The following SH3TC1 variants were observed in gnomAD, a reference collection of about 807,000 sequenced individuals.
SH3TC1 encodes SH3 domain and tetratricopeptide repeat-containing protein 1.
In SH3TC1, 135 loss-of-function variants were observed where a neutral mutation model predicts 117.3. That is an observed-to-expected ratio of 1.15 (90% CI 1.00 to 1.33). The LOEUF (loss-of-function observed/expected upper bound fraction) is 1.33, where lower values mean the gene tolerates loss of function less well. Among genes scored for constraint, SH3TC1 ranks in the 40% most tolerant of loss-of-function variants. The pLI, the probability that SH3TC1 is intolerant of heterozygous loss-of-function variation, is 0.00. For missense variants in SH3TC1, 2,092 were observed against 1,794.3 expected (o/e 1.17, Z -3.00); for synonymous variants, 898 against 816.9 (o/e 1.10, Z -1.69).
upstream of SH3TC1, among the ~76,000 whole-genome samples, chr4:8,197,657 C>T (rs116540360): frequency 7.9e-3 from 1,201 of 152,320 alleles, 9 homozygotes; most frequent in African/African-American, 0.028. Flanking sequence ...GGCCGGGGAG[C>T]CTGGAGGCTG....
rs559112258 is a variant in SH3TC1 at position 8,186,195 on chromosome 4, C to A, written c.-57+3985C>A. Among the ~76,000 whole-genome samples the A allele has an allele frequency of 6.6e-6, 1 of 152,138 alleles. No individual in the cohort carries two copies. Among genetic ancestry groups the A allele is most frequent in the African/African-American group, 2.4e-5 (1 of 41,414 alleles). On this transcript the variant is annotated intron_variant, in intron 1 of 16. Transcript: ENST00000508641. The surrounding 1 kb of genome is among the most constrained non-coding windows in gnomAD (Gnocchi z 5.2). ...GGAGGGGCTGGGGCCAGCCTGACTC[C>A]GAACCAAGACCAGCAGCAAAATTTG...
intron 12 of SH3TC1, 140 bp downstream of exon 12, chr4:8,228,784 CG>C: frequency 4.1e-6 from 3 of 736,008 alleles, no homozygotes; most frequent in South Asian, 2.2e-5. Context: ...TGTTGGCAAG[CG>C]CCCTGGAGAC....
At chr4:8,185,554 C>T (rs1489689201) in intron 1 of SH3TC1, among the ~76,000 whole-genome samples, 1 of 152,104 alleles carries the variant, frequency 6.6e-6, no homozygotes, top group Non-Finnish European at 1.5e-5. Context: ...GCGAACGCAT[C>T]CTAACCCCAC....
At chr4:8,226,047 T>C (rs1401779657) in intron 11 of SH3TC1, among the ~76,000 whole-genome samples, 1 of 152,158 alleles carries the variant, frequency 6.6e-6, no homozygotes, top group African/African-American at 2.4e-5. Context: ...CTCTAAATCA[T>C]ATGTAATTTT....
intron 1 of SH3TC1, among the ~76,000 whole-genome samples, chr4:8,185,050 C>A (rs1426803769): frequency 1.3e-5 from 2 of 148,512 alleles, no homozygotes; most frequent in Non-Finnish European, 3.0e-5. Context: ...ATATGATTTG[C>A]GTACATAGGG....
chr4:8,240,229 C>T (rs1722210138), intron 17 of SH3TC1, among the ~76,000 whole-genome samples: 1 of 152,210 alleles, frequency 6.6e-6, no homozygotes, highest in Non-Finnish European at 1.5e-5. Context: ...GTCAATATTT[C>T]AGGGAAGATT....
intron 5 of SH3TC1, chr4:8,215,348 G>C: frequency 2.3e-6 from 1 of 429,592 alleles, no homozygotes; most frequent in South Asian, 1.6e-5. Flanking sequence ...AGGGCTAAGT[G>C]AGTTAGGGAG....
At chr4:8,231,618 G>T (rs116201926) in intron 12 of SH3TC1, 6 of 256,256 alleles carry the variant, frequency 2.3e-5, no homozygotes, top group Non-Finnish European at 4.5e-5. Context: ...ATTTGGTTTT[G>T]CTCCCCCAGG....
In SH3TC1 at chr4:8,233,353, C is replaced by T; in HGVS notation, c.3132-10C>T. 6.3e-7 allele frequency: 1 copy of T among 1,599,696 alleles called. No homozygotes were observed. The highest frequency in any genetic ancestry group is 8.5e-7 in the Non-Finnish European group (1 of 1,172,392). ...ACAGCCCTTGTTCTGACACCTGTGT[C>T]TGATACCAGGGCCTACAAATCCGCA... On this transcript the variant is annotated splice_polypyrimidine_tract_variant and intron_variant, in intron 13 of 17. Coordinates refer to ENST00000245105, the MANE Select transcript of SH3TC1 (RefSeq NM_018986.5).
intron 13 of SH3TC1, 31 bp downstream of exon 13, chr4:8,232,187 G>T (rs1332293645): frequency 1.3e-5 from 5 of 396,354 alleles, no homozygotes; most frequent in Non-Finnish European, 1.9e-5. Flanking sequence ...GGTGGGGGCG[G>T]GGGGAGGGGG....
chr4:8,216,460 G>C (rs756648291), intron 6 of SH3TC1, among the ~76,000 whole-genome samples: 3 of 152,198 alleles, frequency 2.0e-5, no homozygotes, highest in Non-Finnish European at 4.4e-5. Context: ...CCAGCCCCCA[G>C]GGACACAGAG....
chr4:8,236,450 C>G (rs1330302777), intron 16 of SH3TC1, 22 bp downstream of exon 16: 42 of 1,421,064 alleles, frequency 3.0e-5, no homozygotes, highest in Admixed American at 1.7e-4. Context: ...GAGCCCCTGC[C>G]CTGCCAGGAC....
In SH3TC1 at chr4:8,201,082, C is replaced by T. The variant is rs552010694; in HGVS notation, c.-29+1677C>T. ...GATGCGAGGTGACAAGCCAACCCTCCGGAGGTGCTTGGTGGCATAGGTGAG... is the reference window on the plus strand; with the variant it reads ...GATGCGAGGTGACAAGCCAACCCTCTGGAGGTGCTTGGTGGCATAGGTGAG... On this transcript the variant is annotated intron_variant, in intron 1 of 17. Transcript: ENST00000245105. Among the ~76,000 whole-genome samples, 16 of 152,264 alleles carry T rather than the reference C, an allele frequency of 1.1e-4. No homozygotes were observed. In the South Asian group the frequency reaches 2.1e-3, roughly 20 times the overall value.
intron 1 of SH3TC1, among the ~76,000 whole-genome samples, chr4:8,200,091 G>A (rs560853521): frequency 1.3e-5 from 2 of 152,354 alleles, no homozygotes; most frequent in South Asian, 2.1e-4. Flanking sequence ...TCTGTGAAGC[G>A]GGAGTTTCCA....
At chr4:8,237,924 AAAG>A (rs1365049458) in intron 17 of SH3TC1, among the ~76,000 whole-genome samples, 4 of 152,096 alleles carry the variant, frequency 2.6e-5, no homozygotes, top group African/African-American at 4.8e-5. Context: ...GCCTCTCGGT[AAAG>A]AAGGGGGATT....
chr4:8,231,948 GA>G (rs1721259603), intron 12 of SH3TC1, 27 bp from the exon 13 acceptor site: 1 of 1,606,270 alleles, frequency 6.2e-7, no homozygotes, highest in South Asian at 1.1e-5. Context: ...CTGGGAGGCT[GA>G]CGTCTTCCTT....
chr4:8,237,318 T>C, intron 16 of SH3TC1, 156 bp from the exon 17 acceptor site: 1 of 616,820 alleles, frequency 1.6e-6, no homozygotes, highest in South Asian at 2.4e-5. Context: ...TAGTTCTGCT[T>C]TGTAGATGGG....
At position 8,236,288 on chromosome 4, in the gene SH3TC1, T is replaced by C. The variant is rs754776909; in HGVS notation, c.3416T>C (p.Leu1139Pro). The C allele has an allele frequency of 6.4e-7, 1 of 1,553,380 alleles. No individual in the cohort carries two copies. Among genetic ancestry groups the C allele is most frequent in the Non-Finnish European group, 8.7e-7 (1 of 1,149,122 alleles). ...CTGCCTGTGTGGCAGGACCGGGCCC[T>C]GCCCCTGGCAGTGACTACGGGCAAC... ...KAVSFYRDRA[L>P]PLAVTTGNRK... Residue 1139 changes from leucine to proline, a missense_variant, in exon 16 of 18, where the codon CTG becomes CCG. Coordinates refer to ENST00000245105, the MANE Select transcript of SH3TC1 (RefSeq NM_018986.5).
rs368860589 is a variant in SH3TC1, at chr4:8,205,151, C to T, written c.-28-16C>T. On this transcript the variant is annotated splice_polypyrimidine_tract_variant and intron_variant, in intron 1 of 17. Coordinates refer to ENST00000245105, the MANE Select transcript of SH3TC1 (RefSeq NM_018986.5). This position sits in a 1 kb window ranked among gnomAD's most constrained non-coding sequence, Gnocchi z 5.4. Reference sequence around the variant, plus strand: ...GGAGGGGCCACCTCTCCTGACCACACCCCCTCTGTCCACAGGGCCAGGCAT... The same window carrying T: ...GGAGGGGCCACCTCTCCTGACCACATCCCCTCTGTCCACAGGGCCAGGCAT... 146 of 1,459,966 alleles carry T rather than the reference C, an allele frequency of 1.0e-4. No individual in the cohort carries two copies. The African/African-American group carries it at 1.8e-3, about 18-fold the overall frequency. 90.4% of individuals were successfully genotyped at this position (1,459,966 alleles called of 1,614,324 possible).
Sources: allele counts gnomAD v4.1 joint callset (sites outside exome capture counted in the v4.1 genomes callset), GRCh38; gene constraint gnomAD v4.1.1; non-coding constraint Gnocchi (gnomAD v3.1); transcripts MANE v1.5; gene names NCBI Gene and HGNC (gene_info 2026-07-23, HGNC 2026-07-21).